Variants in CYTH1 observed in about 807,000 individuals in gnomAD.
The protein encoded by CYTH1 is cytohesin 1, also known as cytohesin-1.
CYTH1 carries 18 observed loss-of-function variants against 61.8 expected under a neutral mutation model. The ratio of observed to expected loss-of-function variants is 0.29; its 90% confidence interval spans 0.20 to 0.43. The LOEUF is 0.43. Among genes scored for constraint, CYTH1 ranks in the 20% least tolerant of loss-of-function variants. CYTH1 has a pLI of 1.00. For synonymous variants in CYTH1, 174 were observed against 184.3 expected, an observed-to-expected ratio of 0.94 and a Z score of 0.45; for missense variants, 336 against 510.5, an observed-to-expected ratio of 0.66 and a Z score of 3.29.
chr17:78,727,484 C>G (rs2093272673), intron 1 of CYTH1, among the ~76,000 whole-genome samples: 1 of 152,192 alleles, frequency 6.6e-6, no homozygotes, highest in African/African-American at 2.4e-5. Context: ...TCATTTCTAC[C>G]TGCACCTCAA....
intron 1 of CYTH1, among the ~76,000 whole-genome samples, chr17:78,760,384 T>TATAC (rs751494741): frequency 0.019 from 991 of 51,322 alleles, 95 homozygotes; most frequent in African/African-American, 0.05. Context: ...TATATATATA[T>TATAC]ACACACACAT....
chr17:78,675,015 T>G lies in CYTH1; in HGVS notation c.*1076A>C, dbSNP rs2092682861. On this transcript the variant is annotated 3_prime_UTR_variant, in exon 14 of 14. Transcript: ENST00000446868. ...ACAAAATGCATCCAGAGTAGTCCAG[T>G]TAGGGCTGGTTTTGAGGCAGAAAAA... 6.6e-6 allele frequency: 1 copy of G among 152,326 alleles called. No homozygotes were observed. Among genetic ancestry groups the G allele is most frequent in the Admixed American group, 6.5e-5 (1 of 15,282 alleles). The allele number at this position is 152,326 out of a possible 1,614,324, so 9.4% of individuals were successfully genotyped here.
At chr17:78,711,902 C>T (rs1436851559) in intron 1 of CYTH1, among the ~76,000 whole-genome samples, 2 of 151,772 alleles carry the variant, frequency 1.3e-5, no homozygotes, top group Non-Finnish European at 2.9e-5. Flanking sequence ...ATGGTGAAAC[C>T]CTGTCTCTAC....
chr17:78,695,843 CT>C (rs1374854547), intron 10 of CYTH1, among the ~76,000 whole-genome samples, 163 bp downstream of exon 10: 8 of 152,228 alleles, frequency 5.3e-5, no homozygotes, highest in African/African-American at 1.4e-4. Flanking sequence ...CTCCAAACCC[CT>C]GATCCTGACC....
At chr17:78,727,888 G>A in intron 1 of CYTH1, 1 of 343,714 alleles carries the variant, frequency 2.9e-6, no homozygotes, top group Non-Finnish European at 5.9e-6. Context: ...CAGTGAGGAG[G>A]AGCAGAAGGC....
chr17:78,747,123 A>G (rs2093362214), intron 1 of CYTH1, among the ~76,000 whole-genome samples: 1 of 128,014 alleles, frequency 7.8e-6, no homozygotes, highest in African/African-American at 2.9e-5. Context: ...AGTTCATTGG[A>G]GGACACAGGT....
At chr17:78,711,261 C>CAAATAAATAAAT (rs547065237) in intron 1 of CYTH1, among the ~76,000 whole-genome samples, 13 of 141,510 alleles carry the variant, frequency 9.2e-5, no homozygotes, top group South Asian at 2.3e-4. Flanking sequence ...GACTCCATCT[C>CAAATAAATAAAT]AAATAAATAA....
chr17:78,758,840 G>A (rs1598914773), intron 1 of CYTH1, among the ~76,000 whole-genome samples: 2 of 152,260 alleles, frequency 1.3e-5, no homozygotes, highest in African/African-American at 4.8e-5. Flanking sequence ...GTCACCCCAC[G>A]AGACTTGAGG....
chr17:78,686,331 T>C (rs2092816159), intron 11 of CYTH1, among the ~76,000 whole-genome samples: 1 of 152,250 alleles, frequency 6.6e-6, no homozygotes, highest in Non-Finnish European at 1.5e-5. Flanking sequence ...TATTAATGGT[T>C]GCACTGTAAG....
chr17:78,715,898 A>G (rs992839170), intron 1 of CYTH1, among the ~76,000 whole-genome samples: 3 of 152,218 alleles, frequency 2.0e-5, no homozygotes, highest in African/African-American at 7.2e-5. Flanking sequence ...AAGGTGAAGG[A>G]AGAGCTGACC....
intron 11 of CYTH1, among the ~76,000 whole-genome samples, chr17:78,690,572 T>C (rs1488294815): frequency 6.6e-6 from 1 of 151,606 alleles, no homozygotes; most frequent in Non-Finnish European, 1.5e-5. Flanking sequence ...GGCGCACGCC[T>C]CTAGTCCCAG....
intron 1 of CYTH1, among the ~76,000 whole-genome samples, chr17:78,777,201 C>T (rs1185448748): frequency 1.3e-5 from 2 of 149,556 alleles, no homozygotes; most frequent in Non-Finnish European, 3.0e-5. Context: ...GGATGGATCA[C>T]GAGGTCAGGA....
intron 1 of CYTH1, among the ~76,000 whole-genome samples, chr17:78,734,716 C>T (rs959079166): frequency 6.6e-6 from 1 of 152,050 alleles, no homozygotes; most frequent in South Asian, 2.1e-4. Flanking sequence ...CTGGGATTAT[C>T]AGTGTGAGCC....
intron 13 of CYTH1, chr17:78,677,771 G>A (rs2092716567): frequency 6.6e-6 from 1 of 152,318 alleles, no homozygotes; most frequent in Admixed American, 6.5e-5. Flanking sequence ...CAATACTGGG[G>A]AGGAGGCATC....
chr17:78,775,253 G>T (rs2093486580), intron 1 of CYTH1, among the ~76,000 whole-genome samples: 1 of 152,198 alleles, frequency 6.6e-6, no homozygotes, highest in Non-Finnish European at 1.5e-5. Flanking sequence ...CTGGGGGTTA[G>T]GGGAAGAGGA....
At chr17:78,693,233 G>A (rs2092906691) in intron 10 of CYTH1, among the ~76,000 whole-genome samples, 1 of 152,176 alleles carries the variant, frequency 6.6e-6, no homozygotes, top group African/African-American at 2.4e-5. Flanking sequence ...AGAAACAGCT[G>A]GCAAATACAG....
intron 1 of CYTH1, among the ~76,000 whole-genome samples, chr17:78,737,229 A>T (rs1023010497): frequency 6.6e-6 from 1 of 152,192 alleles, no homozygotes; most frequent in African/African-American, 2.4e-5. Context: ...ATTTGCACAT[A>T]AGCTACACAA....
intron 1 of CYTH1, among the ~76,000 whole-genome samples, chr17:78,779,336 G>A (rs2093506714): frequency 6.7e-6 from 1 of 148,602 alleles, no homozygotes; most frequent in Non-Finnish European, 1.5e-5. Context: ...GGAGGCAGAG[G>A]TTGCAGTGAG....
At chr17:78,712,310 A>G (rs1183972675) in intron 1 of CYTH1, among the ~76,000 whole-genome samples, 1 of 152,152 alleles carries the variant, frequency 6.6e-6, no homozygotes, top group Non-Finnish European at 1.5e-5. Context: ...ATATCTCACC[A>G]TGTCTGTTAT....
Sources: allele counts gnomAD v4.1 joint callset (sites outside exome capture counted in the v4.1 genomes callset), GRCh38; gene constraint gnomAD v4.1.1; transcripts MANE v1.5; gene names NCBI Gene and HGNC (gene_info 2026-07-23, HGNC 2026-07-21).